SHANK1: variants seen among roughly 807,000 people sequenced by gnomAD.
SHANK1 encodes SH3 and multiple ankyrin repeat domains protein 1.
In SHANK1, 35 loss-of-function variants were observed where a neutral mutation model predicts 165.6. The ratio of observed to expected loss-of-function variants is 0.21; its 90% CI spans 0.16 to 0.28. The LOEUF (loss-of-function observed/expected upper bound fraction) is 0.28. SHANK1 is among the 10% of genes least tolerant of loss of function. SHANK1 has a pLI of 1.00. For synonymous variants in SHANK1, 1,428 were observed against 1,384.8 expected (o/e 1.03, Z -0.69); for missense variants, 2,681 against 3,036.4 (o/e 0.88, Z 2.75).
rs574089146 is a variant in SHANK1, at chr19:50,666,660, C to A, written c.5300G>T (p.Gly1767Val). ...LRGRALGASG[G>V]LRPGPSGGLR... The stretch of plus-strand genomic sequence containing the variant: ...TCCCCCGCTGGGGCCAGGCCGCAGG[C>A]CTCCGCTGGCTCCTAGCGCCCGGCC... Residue 1767 changes from glycine to valine, a missense_variant, in exon 23 of 24, where the codon GGC (glycine) becomes GTC (valine). Physicochemically the swap from Gly to Val is moderately radical, Grantham distance 109. Around this residue, in one of 10 missense-constraint regions of SHANK1, gnomAD observed 1,713 missense variants for 1,630.2 expected, o/e 1.05. Transcript: ENST00000293441. The A allele has an allele frequency of 2.5e-6, 4 of 1,589,170 alleles. No homozygotes were observed. Among genetic ancestry groups the A allele is most frequent in the Non-Finnish European group, 3.4e-6 (4 of 1,171,572 alleles).
chr19:50,704,195 AG>A lies in SHANK1; in HGVS notation c.1156-10del. On this transcript the variant is annotated splice_polypyrimidine_tract_variant and intron_variant, in intron 9 of 23. Coordinates refer to ENST00000293441, the MANE Select transcript of SHANK1 (RefSeq NM_016148.5). ...CCAGCAATCACTGCCACCTGGAGGG[AG>A]GGGGTAGAGGCAGGTCGGCCAGGGG... 4 of 1,613,284 alleles carry A rather than the reference AG, an allele frequency of 2.5e-6. No homozygotes were observed. Among genetic ancestry groups the A allele is most frequent in the Non-Finnish European group, 3.4e-6 (4 of 1,179,720 alleles).
chr19:50,669,083 AC>A lies in SHANK1; in HGVS notation c.2876del (p.Gly959ValfsTer384). The A allele has an allele frequency of 7.6e-7, 1 of 1,316,934 alleles. No homozygotes were observed. The highest frequency in any genetic ancestry group is 1.0e-6 in the Non-Finnish European group (1 of 994,050). 81.6% of individuals were successfully genotyped at this position (1,316,934 alleles called of 1,614,324 possible). The part of the protein sequence containing the change: ...PRGGPFNPGS[G>X]GPLPASSPAS... ...CAGGGGAGGAGGCGGGGAGGGGGCCACCAGAGCCAGGGTTGAAGGGCCCTCC... is the reference window on the plus strand; with the variant it reads ...CAGGGGAGGAGGCGGGGAGGGGGCCACAGAGCCAGGGTTGAAGGGCCCTCC... On this transcript the variant is annotated frameshift_variant, in exon 23 of 24. Transcript: ENST00000293441. LOFTEE classifies it high-confidence loss of function.
At chr19:50,706,181 G>A (rs1277764357) in intron 8 of SHANK1, among the ~76,000 whole-genome samples, 3 of 146,408 alleles carry the variant, frequency 2.0e-5, no homozygotes, top group Non-Finnish European at 3.0e-5. Flanking sequence ...GGGTTGGGGG[G>A]GCTCAAGGTC....
In SHANK1 at chr19:50,686,209, C is replaced by A; in HGVS notation, c.2577+28G>T. On this transcript the variant is annotated intron_variant, in intron 21 of 23. Transcript: ENST00000293441. The surrounding 1 kb of genome is among the most constrained non-coding windows in gnomAD (Gnocchi z 5.7). Reference sequence around the variant, plus strand: ...GGTGTGTGAACCGCCTCCCCCCTGGCAGTTCCTCCCCACACCAGGCCGCCT... The same window carrying A: ...GGTGTGTGAACCGCCTCCCCCCTGGAAGTTCCTCCCCACACCAGGCCGCCT... 7.3e-7 allele frequency: 1 copy of A among 1,370,354 alleles called. No homozygotes were observed. The highest frequency in any genetic ancestry group is 1.0e-6 in the Non-Finnish European group (1 of 987,334). The allele number at this position is 1,370,354 out of a possible 1,614,324, so 84.9% of individuals were successfully genotyped here.
chr19:50,664,288 C>T (rs1407078326), intron 23 of SHANK1, among the ~76,000 whole-genome samples: 1 of 152,214 alleles, frequency 6.6e-6, no homozygotes, highest in African/African-American at 2.4e-5. Context: ...TCCCAACCCT[C>T]TGTGTATCTG....
At position 50,716,315 on chromosome 19, in the gene SHANK1, T is replaced by C; in HGVS notation, c.419A>G (p.Glu140Gly). The C allele has an allele frequency of 6.2e-7, 1 of 1,614,146 alleles. No individual in the cohort carries two copies. The highest frequency in any genetic ancestry group is 8.5e-7 in the Non-Finnish European group (1 of 1,180,002). The change falls in exon 3 of 24, where the codon GAG becomes GGG. Residue 140 changes from glutamate (E) to glycine (G), a missense_variant. This residue lies in a region of SHANK1 where 189 missense variants were observed against 440.9 expected (regional missense o/e 0.43). Transcript: ENST00000293441. The surrounding 1 kb of genome is among the most constrained non-coding windows in gnomAD (Gnocchi z 8.4). ...NFLEEERLLR[E>G]YPQSFEKGVP... ...CCCCTTCTCAAAGGACTGGGGGTAC[T>C]CCCGCAGCAGCCTCTCCTCCTCCAG...
chr19:50,688,105 G>T lies in SHANK1; in HGVS notation c.2173-47C>A. Reference sequence around the variant, plus strand: ...ATCACACAGAGTAGACGAGGGGAGGGGTGCTTGCAGCTTCAGAGACCCCAA... The same window carrying T: ...ATCACACAGAGTAGACGAGGGGAGGTGTGCTTGCAGCTTCAGAGACCCCAA... On this transcript the variant is annotated intron_variant, in intron 17 of 23. Coordinates refer to ENST00000293441, the MANE Select transcript of SHANK1 (RefSeq NM_016148.5). The surrounding 1 kb of genome is among the most constrained non-coding windows in gnomAD (Gnocchi z 6.7). 1.2e-6 allele frequency: 2 copies of T among 1,608,872 alleles called. No individual in the cohort carries two copies. Among genetic ancestry groups the T allele is most frequent in the South Asian group, 1.1e-5 (1 of 90,766 alleles).
intron 21 of SHANK1, among the ~76,000 whole-genome samples, chr19:50,683,784 A>G (rs920156235): frequency 3.9e-5 from 6 of 152,328 alleles, no homozygotes; most frequent in African/African-American, 9.6e-5. Flanking sequence ...TCCAAGAATA[A>G]CCACAAAAGC....
chr19:50,684,229 G>GTTTTTT (rs199744718), intron 21 of SHANK1, among the ~76,000 whole-genome samples: 2 of 147,088 alleles, frequency 1.4e-5, no homozygotes, highest in African/African-American at 5.0e-5. Context: ...AAGGAAGAAG[G>GTTTTTT]TTTTTTTTTT....
At position 50,660,212 on chromosome 19, in the gene SHANK1, C is replaced by CGGGGAATAAG. The variant is rs1985145267; in HGVS notation, c.*1752_*1753insCTTATTCCCC. Among the ~76,000 whole-genome samples the CGGGGAATAAG allele has an allele frequency of 4.8e-5, 4 of 83,166 alleles. No individual in the cohort carries two copies. Among genetic ancestry groups the CGGGGAATAAG allele is most frequent in the Admixed American group, 4.7e-4 (3 of 6,336 alleles). The allele number at this position is 83,166 out of a possible 152,430, so 54.6% of individuals were successfully genotyped here. Reference sequence around the variant, plus strand: ...AGGGGTGGCTTAACATTCCCAAGCCCCGGGAATAAGCGGAGAGAGGAAGCG... The same window carrying CGGGGAATAAG: ...AGGGGTGGCTTAACATTCCCAAGCCCGGGGAATAAGCGGGAATAAGCGGAGAGAGGAAGCG... On this transcript the variant is annotated 3_prime_UTR_variant, in exon 24 of 24. Coordinates refer to ENST00000293441, the MANE Select transcript of SHANK1 (RefSeq NM_016148.5).
rs971455278 is a variant in SHANK1 at position 50,702,960 on chromosome 19, G to A, written c.1554-300C>T. On this transcript the variant is annotated intron_variant, in intron 11 of 23. Coordinates refer to ENST00000293441, the MANE Select transcript of SHANK1 (RefSeq NM_016148.5). The surrounding 1 kb of genome is among the most constrained non-coding windows in gnomAD (Gnocchi z 5.3). ...GGGACTGTGTCATCCCTCCGCTCACGAGCCTTCCGCGACTCCCAGCTTCCT... is the reference window on the plus strand; with the variant it reads ...GGGACTGTGTCATCCCTCCGCTCACAAGCCTTCCGCGACTCCCAGCTTCCT... 5.3e-5 allele frequency among the ~76,000 whole-genome samples: 8 copies of A among 151,948 alleles called. No homozygotes were observed. The East Asian group carries it at 7.7e-4, about 15-fold the overall frequency.
intron 15 of SHANK1, chr19:50,689,512 A>T (rs2123138340): frequency 3.1e-6 from 2 of 654,960 alleles, no homozygotes; most frequent in East Asian, 5.8e-5. Flanking sequence ...TCATTCATCC[A>T]TCCATGCATC....
chr19:50,712,625 A>G (rs527683740), intron 6 of SHANK1, among the ~76,000 whole-genome samples: 2 of 152,340 alleles, frequency 1.3e-5, no homozygotes, highest in African/African-American at 4.8e-5. Context: ...GCTGGAGGCC[A>G]CTTCCTGCCC....
intron 15 of SHANK1, among the ~76,000 whole-genome samples, chr19:50,694,564 C>A (rs1986661890): frequency 1.9e-5 from 2 of 103,230 alleles, no homozygotes; most frequent in South Asian, 6.7e-4. Context: ...GTTTAGGGGG[C>A]CTGCTGGGAG....
At chr19:50,695,401 G>A (rs1305186197) in intron 15 of SHANK1, among the ~76,000 whole-genome samples, 1 of 148,894 alleles carries the variant, frequency 6.7e-6, no homozygotes, top group Non-Finnish European at 1.5e-5. Context: ...CGGCGGAGGG[G>A]GCCGGGCAGG....
chr19:50,711,539 T>C (rs951298650), intron 7 of SHANK1, 52 bp from the exon 8 acceptor site: 2 of 1,345,444 alleles, frequency 1.5e-6, no homozygotes, highest in Admixed American at 3.9e-5. Flanking sequence ...CTGTTCTCCC[T>C]CTGGGCCAAG....
At chr19:50,663,394 C>A (rs917220265) in intron 23 of SHANK1, among the ~76,000 whole-genome samples, 1 of 152,134 alleles carries the variant, frequency 6.6e-6, no homozygotes, top group African/African-American at 2.4e-5. Flanking sequence ...ACCTCAGGGC[C>A]TTTGAACTGG....
At chr19:50,698,490 C>T (rs534866336) in intron 12 of SHANK1, among the ~76,000 whole-genome samples, 1 of 152,180 alleles carries the variant, frequency 6.6e-6, no homozygotes, top group African/African-American at 2.4e-5. Flanking sequence ...TCTCCCTCTC[C>T]CCTAATGGAA....
chr19:50,708,096 G>A (rs554365133), intron 8 of SHANK1, among the ~76,000 whole-genome samples: 2 of 151,884 alleles, frequency 1.3e-5, no homozygotes, highest in South Asian at 4.2e-4. Flanking sequence ...ACAGGTGCCC[G>A]CCACCATGCC....
Sources: allele counts gnomAD v4.1 joint callset (sites outside exome capture counted in the v4.1 genomes callset), GRCh38; gene constraint gnomAD v4.1.1; regional missense constraint gnomAD v4.1.1; non-coding constraint Gnocchi (gnomAD v3.1); transcripts MANE v1.5; gene names NCBI Gene and HGNC (gene_info 2026-07-23, HGNC 2026-07-21).